The following RSPH3 variants were observed in gnomAD, a reference collection of about 807,000 sequenced individuals.
The protein encoded by RSPH3 is radial spoke head 3, also known as radial spoke head protein 3 homolog.
A neutral mutation model predicts 43.8 loss-of-function variants in RSPH3; 21 were observed. That is an observed-to-expected ratio of 0.48 (90% CI 0.34 to 0.69). The LOEUF is 0.69. Ranked by LOEUF, RSPH3 falls within the 30% of genes least tolerant of loss-of-function variation. The pLI is 0.01. For missense variants in RSPH3, 487 were observed against 516.0 expected, an observed-to-expected ratio of 0.94 and a Z score of 0.54; for synonymous variants, 173 against 179.8, an observed-to-expected ratio of 0.96 and a Z score of 0.30.
chr6:158,986,485 C>T, intron 2 of RSPH3, 64 bp from the exon 3 acceptor site: 1 of 1,397,574 alleles, frequency 7.2e-7, no homozygotes, highest in Non-Finnish European at 9.8e-7. Flanking sequence ...CAGGAACTGC[C>T]ATTCCAAAAG....
At chr6:158,987,167 G>A (rs962629577) in intron 2 of RSPH3, among the ~76,000 whole-genome samples, 2 of 152,156 alleles carry the variant, frequency 1.3e-5, no homozygotes, top group African/African-American at 2.4e-5. Flanking sequence ...GGTGTTGGGT[G>A]CATGGATATT....
At chr6:158,980,661 G>T in intron 6 of RSPH3, 113 bp downstream of exon 6, 1 of 826,750 alleles carries the variant, frequency 1.2e-6, no homozygotes, top group Non-Finnish European at 1.9e-6. Flanking sequence ...AATTGACTTT[G>T]TGTCAGAAAT....
At chr6:158,998,625 G>C (rs1242865372) in intron 1 of RSPH3, among the ~76,000 whole-genome samples, 2 of 151,690 alleles carry the variant, frequency 1.3e-5, no homozygotes, top group South Asian at 2.1e-4. Flanking sequence ...GGAGGCCGAG[G>C]CGGGCGGATC....
chr6:158,986,205 G>A, intron 3 of RSPH3, 75 bp downstream of exon 3: 1 of 1,453,536 alleles, frequency 6.9e-7, no homozygotes, highest in Non-Finnish European at 9.5e-7. Context: ...GTAATACAAA[G>A]GCCAAATAAA....
rs928241204 is a variant in RSPH3 at position 158,982,346 on chromosome 6, G to A, written c.696+139C>T. 7 of 579,744 alleles carry A rather than the reference G, an allele frequency of 1.2e-5. No individual in the cohort carries two copies. In the African/African-American group the frequency reaches 1.3e-4, roughly 11 times the overall value. 35.9% of individuals were successfully genotyped at this position (579,744 alleles called of 1,614,324 possible). A position where few individuals can be genotyped will look rare whatever the true frequency, so the allele number is the denominator to read the frequency against. ...GATCTATGATCTATAGGAGAGACTTGAGCAAAAATACTATAGATCTTTTTC... is the reference window on the plus strand; with the variant it reads ...GATCTATGATCTATAGGAGAGACTTAAGCAAAAATACTATAGATCTTTTTC... On this transcript the variant is annotated intron_variant, in intron 5 of 7. Coordinates refer to ENST00000367069, the MANE Select transcript of RSPH3 (RefSeq NM_031924.8).
In RSPH3 at chr6:158,973,067, G is replaced by T. The variant is rs543508016; in HGVS notation, c.*4471C>A. ...GATTGTGGAAGGTTGGTTGAGGTTAGGCCTAGGCATTACGGTTAAGAAATA... is the reference window on the plus strand; with the variant it reads ...GATTGTGGAAGGTTGGTTGAGGTTATGCCTAGGCATTACGGTTAAGAAATA... On this transcript the variant is annotated 3_prime_UTR_variant, in exon 8 of 8. Coordinates refer to ENST00000367069, the MANE Select transcript of RSPH3 (RefSeq NM_031924.8). 6.6e-6 allele frequency: 1 copy of T among 152,326 alleles called. No individual in the cohort carries two copies. Among genetic ancestry groups the T allele is most frequent in the South Asian group, 2.1e-4 (1 of 4,826 alleles). 9.4% of individuals were successfully genotyped at this position (152,326 alleles called of 1,614,324 possible).
chr6:158,964,584 C>T, the RSPH3 span, among the ~76,000 whole-genome samples: 1 of 152,130 alleles, frequency 6.6e-6, no homozygotes, highest in Non-Finnish European at 1.5e-5. Context: ...TGTTATTGAA[C>T]ATTTTCCATG....
At chr6:158,992,508 G>A (rs1040225881) in intron 2 of RSPH3, among the ~76,000 whole-genome samples, 3 of 147,674 alleles carry the variant, frequency 2.0e-5, no homozygotes, top group Non-Finnish European at 4.4e-5. Context: ...TGCCCAGGCT[G>A]GTCTCAAGCG....
At chr6:158,985,378 T>G (rs140137962) in intron 3 of RSPH3, among the ~76,000 whole-genome samples, 1 of 152,332 alleles carries the variant, frequency 6.6e-6, no homozygotes, top group East Asian at 1.9e-4. Context: ...CAGTGATTCA[T>G]GTTGGGCTAT....
intron 7 of RSPH3, 113 bp downstream of exon 7, chr6:158,978,147 G>C: frequency 1.4e-6 from 1 of 700,202 alleles, no homozygotes; most frequent in South Asian, 1.7e-5. Context: ...TAATACAATT[G>C]ATATACTAAA....
chr6:158,995,904 C>T (rs1436674919), intron 1 of RSPH3, among the ~76,000 whole-genome samples: 2 of 152,090 alleles, frequency 1.3e-5, no homozygotes, highest in African/African-American at 2.4e-5. Context: ...CATCCTTCTT[C>T]TTTTACTTTT....
downstream of RSPH3, among the ~76,000 whole-genome samples, chr6:158,971,176 T>C (rs1777690731): frequency 6.6e-6 from 1 of 152,216 alleles, no homozygotes; most frequent in Non-Finnish European, 1.5e-5. Flanking sequence ...CCTAAGCTTC[T>C]GTTTCTTGGT....
At chr6:158,980,077 A>G (rs1777980926) in intron 6 of RSPH3, among the ~76,000 whole-genome samples, 1 of 152,246 alleles carries the variant, frequency 6.6e-6, no homozygotes, top group African/African-American at 2.4e-5. Context: ...ACAACTACTT[A>G]CGCATACACA....
intron 2 of RSPH3, among the ~76,000 whole-genome samples, chr6:158,993,181 G>A (rs908604286): frequency 6.6e-6 from 1 of 151,924 alleles, no homozygotes; most frequent in Non-Finnish European, 1.5e-5. Context: ...GCAGTGGTGC[G>A]ATCTCGGCTC....
chr6:158,978,154 T>A, intron 7 of RSPH3, 106 bp downstream of exon 7: 1 of 723,894 alleles, frequency 1.4e-6, no homozygotes, highest in Non-Finnish European at 2.3e-6. Flanking sequence ...ATTGATATAC[T>A]AAAAGTTTAA....
chr6:158,993,464 G>A (rs1205199831), intron 2 of RSPH3, among the ~76,000 whole-genome samples: 1 of 89,150 alleles, frequency 1.1e-5, no homozygotes, highest in East Asian at 3.0e-4. Flanking sequence ...TTCTTTTTTT[G>A]TGGTAAAACA....
Position 158,980,821 on chromosome 6 carries a change from A to G in RSPH3, c.812T>C (p.Phe271Ser), listed in dbSNP as rs141178332. The change falls in exon 6 of 8, where the codon TTT becomes TCT. Residue 271 changes from phenylalanine (F) to serine (S), a missense_variant. Phe to Ser is a radical substitution (Grantham distance 155). Transcript: ENST00000367069. ...GTAGCCACTATCCCTGAGGCTGCCA[A>G]AAACAGACGGGAGAAGGTCAGCCAG... The part of the protein sequence containing the change: ...RYLADLLPSV[F>S]GSLRDSGYFY... 6.2e-7 allele frequency: 1 copy of G among 1,614,058 alleles called. No individual in the cohort carries two copies. The highest frequency in any genetic ancestry group is 1.3e-5 in the African/African-American group (1 of 74,934).
intron 2 of RSPH3, among the ~76,000 whole-genome samples, chr6:158,992,775 T>C (rs1436346334): frequency 1.3e-5 from 2 of 152,206 alleles, no homozygotes; most frequent in East Asian, 3.8e-4. Flanking sequence ...GATTCATCTG[T>C]ATTTCATTTC....
Position 158,977,355 on chromosome 6 carries a change from A to T in RSPH3, c.*183T>A, listed in dbSNP as rs1777877147. ...CTTTGAATATTCTATTAAATAAATG[A>T]ATTCAATTTAAGTTTCATTCTCAAA... On this transcript the variant is annotated 3_prime_UTR_variant, in exon 8 of 8. Coordinates refer to ENST00000367069, the MANE Select transcript of RSPH3 (RefSeq NM_031924.8). 1.8e-6 allele frequency: 1 copy of T among 551,384 alleles called. No individual in the cohort carries two copies. Among genetic ancestry groups the T allele is most frequent in the Non-Finnish European group, 3.2e-6 (1 of 315,518 alleles). 34.2% of individuals were successfully genotyped at this position (551,384 alleles called of 1,614,324 possible).
Sources: allele counts gnomAD v4.1 joint callset (sites outside exome capture counted in the v4.1 genomes callset), GRCh38; gene constraint gnomAD v4.1.1; transcripts MANE v1.5; gene names NCBI Gene and HGNC (gene_info 2026-07-23, HGNC 2026-07-21).